The following MDC1 variants were observed in gnomAD, a reference collection of about 807,000 sequenced individuals.
MDC1 encodes the protein mediator of DNA damage checkpoint protein 1.
Under a neutral mutation model 142.5 loss-of-function variants are expected in MDC1, and 81 were observed. That is an observed-to-expected ratio of 0.57 (90% CI 0.47 to 0.68). MDC1 has a LOEUF of 0.68. MDC1 is among the 30% of genes least tolerant of loss of function. MDC1 has a pLI of 0.00. For synonymous variants in MDC1, 797 were observed against 968.4 expected (o/e 0.82, Z 3.29); for missense variants, 2,119 against 2,547.9 (o/e 0.83, Z 3.62).
In MDC1 at chr6:30,716,058, G is replaced by T. The variant is rs895168650; in HGVS notation, c.-3-880C>A. Among the ~76,000 whole-genome samples, 2 of 151,944 alleles carry T rather than the reference G, an allele frequency of 1.3e-5. No homozygotes were observed. Among genetic ancestry groups the T allele is most frequent in the African/African-American group, 4.8e-5 (2 of 41,346 alleles). On this transcript the variant is annotated intron_variant, in intron 1 of 14. Transcript: ENST00000376406. The surrounding 1 kb of genome is among the most constrained non-coding windows in gnomAD (Gnocchi z 4.4). ...TCACATCTTGTAACGCCTACCCCTCGCCCGCAAAAGCCTATGGTTCAGCCA... is the reference window on the plus strand; with the variant it reads ...TCACATCTTGTAACGCCTACCCCTCTCCCGCAAAAGCCTATGGTTCAGCCA...
intron 14 of MDC1, among the ~76,000 whole-genome samples, chr6:30,702,032 G>C (rs1199860552): frequency 6.6e-6 from 1 of 151,958 alleles, no homozygotes; most frequent in Non-Finnish European, 1.5e-5. Context: ...AGAGGCCGAG[G>C]CGGGCAGATC....
Position 30,703,784 on chromosome 6 carries a change from G to T in MDC1, c.5399C>A (p.Thr1800Asn). ...KVEPAGRSRFTPELQPKASQS... is the reference protein window; with the variant it reads ...KVEPAGRSRFNPELQPKASQS... ...AGAGGCCTTAGGCTGGAGCTCCGGG[G>T]TGAACCTAGATCTACCTGCTGGTTC... is the stretch of plus-strand genomic sequence containing the variant. Residue 1800 changes from threonine to asparagine, a missense_variant, in exon 10 of 15, where the codon ACC (threonine) becomes AAC (asparagine). Coordinates refer to ENST00000376406, the MANE Select transcript of MDC1 (RefSeq NM_014641.3). This position sits in a 1 kb window ranked among gnomAD's most constrained non-coding sequence, Gnocchi z 4.4. The T allele has an allele frequency of 6.3e-7, 1 of 1,583,714 alleles. No homozygotes were observed. Among genetic ancestry groups the T allele is most frequent in the Non-Finnish European group, 8.6e-7 (1 of 1,166,150 alleles).
chr6:30,701,397 C>CA (rs1554185762), intron 14 of MDC1, among the ~76,000 whole-genome samples: 4,487 of 139,094 alleles, frequency 0.032, 97 homozygotes, highest in Admixed American at 0.057. Context: ...GAGACTCTCT[C>CA]AAAAAAAAAA....
At position 30,704,093 on chromosome 6, in the gene MDC1, G is replaced by T; in HGVS notation, c.5090C>A (p.Thr1697Asn). ...STVRAMPVPT[T>N]PEFQSPVTTD... ...GGTGACAGGAGATTGGAATTCAGGG[G>T]TGGTAGGAACCGGCATAGCTCTTAC... The change falls in exon 10 of 15, where the codon ACC (threonine) becomes AAC (asparagine). Residue 1697 changes from threonine (T) to asparagine (N), a missense_variant. By Grantham distance (65) the Thr-to-Asn change is moderately conservative (BLOSUM62 0). Transcript: ENST00000376406. 6.2e-7 allele frequency: 1 copy of T among 1,614,188 alleles called. No individual in the cohort carries two copies. The highest frequency in any genetic ancestry group is 8.5e-7 in the Non-Finnish European group (1 of 1,180,030).
chr6:30,711,399 G>A lies in MDC1; in HGVS notation c.2221+13C>T. The A allele has an allele frequency of 6.2e-7, 1 of 1,604,878 alleles. No homozygotes were observed. On this transcript the variant is annotated intron_variant, in intron 7 of 14. Transcript: ENST00000376406. ...AGAATTGGGGACACAGAGGAGGGAAGAGTTTCTTATACCTGTTGTCTGGAA... is the reference window on the plus strand; with the variant it reads ...AGAATTGGGGACACAGAGGAGGGAAAAGTTTCTTATACCTGTTGTCTGGAA...
At position 30,712,001 on chromosome 6, in the gene MDC1, A is replaced by G; in HGVS notation, c.1941T>C (p.Asp647=). 1 of 1,599,236 alleles carries G rather than the reference A, an allele frequency of 6.3e-7. No homozygotes were observed. The highest frequency in any genetic ancestry group is 1.1e-5 in the South Asian group (1 of 89,022). ...DLPISRENLT[D]LVVDTDTLGE... ...CTAGAGTGTCTGTGTCCACCACCAG[A>G]TCTGTGAGGTTCTCTCTTGAGATAG... is the stretch of plus-strand genomic sequence containing the variant. The change falls in exon 5 of 15, where the codon GAT becomes GAC. Residue 647 remains aspartate (D), a synonymous_variant. Coordinates refer to ENST00000376406, the MANE Select transcript of MDC1 (RefSeq NM_014641.3). This position sits in a 1 kb window ranked among gnomAD's most constrained non-coding sequence, Gnocchi z 4.7.
chr6:30,708,048 G>A lies in MDC1; in HGVS notation c.2531C>T (p.Thr844Ile). The part of the protein sequence containing the change: ...ETEKLLPERQ[T>I]DVTGEEELTK... ...TAATTCTTCCTCTCCTGTCACATCTGTCTGTCTTTCTGGTAGCAGTTTCTC... is the reference window on the plus strand; with the variant it reads ...TAATTCTTCCTCTCCTGTCACATCTATCTGTCTTTCTGGTAGCAGTTTCTC... Residue 844 changes from threonine (T) to isoleucine (I), a missense_variant, in exon 8 of 15, where the codon ACA becomes ATA. Coordinates refer to ENST00000376406, the MANE Select transcript of MDC1 (RefSeq NM_014641.3). 1.9e-6 allele frequency: 3 copies of A among 1,613,000 alleles called. No individual in the cohort carries two copies. Among genetic ancestry groups the A allele is most frequent in the South Asian group, 1.1e-5 (1 of 91,080 alleles).
intron 6 of MDC1, 71 bp downstream of exon 6, chr6:30,711,596 C>T (rs17189322): frequency 5.5e-4 from 880 of 1,601,660 alleles, no homozygotes; most frequent in Admixed American, 1.2e-3. Flanking sequence ...TAGCCTTTAC[C>T]CTTCAAGGAC....
At position 30,706,073 on chromosome 6, in the gene MDC1, C is replaced by T; in HGVS notation, c.3110G>A (p.Cys1037Tyr). The T allele has an allele frequency of 6.3e-7, 1 of 1,592,480 alleles. No homozygotes were observed. Among genetic ancestry groups the T allele is most frequent in the Non-Finnish European group, 8.5e-7 (1 of 1,176,666 alleles). Residue 1037 changes from cysteine to tyrosine, a missense_variant, in exon 10 of 15, where the codon TGT becomes TAT. Transcript: ENST00000376406. ...GGCTTCAGGTACTGTAGGAGGCAGA[C>T]AAGCATCTGGAGATTCCTGATCGCC... Reference protein sequence around the residue: ...SRGDQESPDACLPPTVPEAPA... With the variant: ...SRGDQESPDAYLPPTVPEAPA...
chr6:30,706,208 C>G, intron 9 of MDC1, 110 bp from the exon 10 acceptor site: 1 of 988,524 alleles, frequency 1.0e-6, no homozygotes, highest in Non-Finnish European at 1.4e-6. Context: ...AGATTTCCAC[C>G]GGGCGTGGTG....
In MDC1 at chr6:30,714,068, G is replaced by T; in HGVS notation, c.252C>A (p.Asp84Glu). The change falls in exon 3 of 15, where the codon GAC becomes GAA. Residue 84 changes from aspartate to glutamate, a missense_variant. Coordinates refer to ENST00000376406, the MANE Select transcript of MDC1 (RefSeq NM_014641.3). Reference sequence around the variant, plus strand: ...CACAGTCTCGGAGGATAGGTGCCTTGTCCCAGGCTAAGATTTCAATCTCTG... The same window carrying T: ...CACAGTCTCGGAGGATAGGTGCCTTTTCCCAGGCTAAGATTTCAATCTCTG... Reference protein sequence around the residue: ...QHAEIEILAWDKAPILRDCGS... With the variant: ...QHAEIEILAWEKAPILRDCGS... 6.2e-7 allele frequency: 1 copy of T among 1,612,878 alleles called. No homozygotes were observed. The highest frequency in any genetic ancestry group is 8.5e-7 in the Non-Finnish European group (1 of 1,180,016).
In MDC1 at chr6:30,713,917, C is replaced by T. The variant is rs1281141743; in HGVS notation, c.403G>A (p.Val135Ile). 1.2e-6 allele frequency: 2 copies of T among 1,613,398 alleles called. No homozygotes were observed. Among genetic ancestry groups the T allele is most frequent in the African/African-American group, 2.7e-5 (2 of 74,908 alleles). Residue 135 changes from valine to isoleucine, a missense_variant, in exon 3 of 15, where the codon GTC becomes ATC. Transcript: ENST00000376406. This position sits in a 1 kb window ranked among gnomAD's most constrained non-coding sequence, Gnocchi z 4.9. Reference protein sequence around the residue: ...DLLCQYHRLDVSLPFVSRGPL... With the variant: ...DLLCQYHRLDISLPFVSRGPL... ...CCCCGGGAGACAAAGGGCAGAGAGA[C>T]ATCCAGGCGATGGTACTGGCAGAGC...
chr6:30,703,648 ATCT>A lies in MDC1; in HGVS notation c.5532_5534del (p.Glu1844del). Reference sequence around the variant, plus strand: ...CTTCCTTCCCTGGCTTCTCTGCAGTATCTTCTTCCTCTTCCTTGATAATCACTG... The same window carrying A: ...CTTCCTTCCCTGGCTTCTCTGCAGTATCTTCCTCTTCCTTGATAATCACTG... On this transcript the variant is annotated inframe_deletion, in exon 10 of 15. Coordinates refer to ENST00000376406, the MANE Select transcript of MDC1 (RefSeq NM_014641.3). The surrounding 1 kb of genome is among the most constrained non-coding windows in gnomAD (Gnocchi z 4.4). The A allele has an allele frequency of 6.4e-7, 1 of 1,570,952 alleles. No homozygotes were observed. Among genetic ancestry groups the A allele is most frequent in the Non-Finnish European group, 8.6e-7 (1 of 1,161,986 alleles).
rs749675713 is a variant in MDC1, at chr6:30,713,745, A to C, written c.518-28T>G. The C allele has an allele frequency of 3.7e-6, 6 of 1,613,928 alleles. No homozygotes were observed. Among genetic ancestry groups the C allele is most frequent in the Non-Finnish European group, 5.1e-6 (6 of 1,179,878 alleles). ...GTCAAGAACAGAAAGGAATGAGTTG[A>C]CAATTGTACACTCATTATTCCTGTC... On this transcript the variant is annotated intron_variant, in intron 3 of 14. Coordinates refer to ENST00000376406, the MANE Select transcript of MDC1 (RefSeq NM_014641.3). This position sits in a 1 kb window ranked among gnomAD's most constrained non-coding sequence, Gnocchi z 4.9.
rs1231736653 is a variant in MDC1 at position 30,705,964 on chromosome 6, A to G, written c.3219T>C (p.Ser1073=). 6.2e-7 allele frequency: 1 copy of G among 1,613,672 alleles called. No individual in the cohort carries two copies. Among genetic ancestry groups the G allele is most frequent in the African/African-American group, 1.3e-5 (1 of 74,800 alleles). Reference sequence around the variant, plus strand: ...TGGTCTTACGAACGGTTGGCTTGATAGAAGGTAAAAGGGGAGAAAGAAGGG... The same window carrying G: ...TGGTCTTACGAACGGTTGGCTTGATGGAAGGTAAAAGGGGAGAAAGAAGGG... ...PPPLLSPLLP[S]IKPTVRKTRQ... is the part of the protein sequence containing the mutation. Residue 1073 remains serine (S), a synonymous_variant, in exon 10 of 15, where the codon TCT becomes TCC. Coordinates refer to ENST00000376406, the MANE Select transcript of MDC1 (RefSeq NM_014641.3).
rs751175105 is a variant in MDC1, at chr6:30,702,822, T to G, written c.5921A>C (p.Glu1974Ala). ...PPDEYVVTDP[E>A]QEKNFGFSLQ... ...GCTAAAGCCAAAGTTCTTCTCTTGCTCAGGGTCGGTCACCACATATTCATC... is the reference window on the plus strand; with the variant it reads ...GCTAAAGCCAAAGTTCTTCTCTTGCGCAGGGTCGGTCACCACATATTCATC... Residue 1974 changes from glutamate (E) to alanine (A), a missense_variant, in exon 13 of 15, where the codon GAG (glutamate) becomes GCG (alanine). Coordinates refer to ENST00000376406, the MANE Select transcript of MDC1 (RefSeq NM_014641.3). 21 of 1,613,038 alleles carry G rather than the reference T, an allele frequency of 1.3e-5. No homozygotes were observed. Among genetic ancestry groups the G allele is most frequent in the Non-Finnish European group, 1.8e-5 (21 of 1,180,046 alleles).
rs752056084 is a variant in MDC1, at chr6:30,712,729, C to T, written c.1213G>A (p.Asp405Asn). The T allele has an allele frequency of 6.2e-7, 1 of 1,613,092 alleles. No homozygotes were observed. The highest frequency in any genetic ancestry group is 8.5e-7 in the Non-Finnish European group (1 of 1,180,040). The change falls in exon 5 of 15, where the codon GAT becomes AAT. Residue 405 changes from aspartate to asparagine, a missense_variant. Transcript: ENST00000376406. The surrounding 1 kb of genome is among the most constrained non-coding windows in gnomAD (Gnocchi z 4.7). The stretch of plus-strand genomic sequence containing the variant: ...GCTGCTGAGACTTCTTCCTCGTCAT[C>T]TGTATCGCTGTTGATAACCATGGAA... ...QASMVINSDT[D>N]DEEEVSAALT...
In MDC1 at chr6:30,713,095, C is replaced by A; in HGVS notation, c.847G>T (p.Val283Phe). The change falls in exon 5 of 15, where the codon GTT becomes TTT. Residue 283 changes from valine (V) to phenylalanine (F), a missense_variant. Val to Phe is a conservative substitution (Grantham distance 50). Transcript: ENST00000376406. The surrounding 1 kb of genome is among the most constrained non-coding windows in gnomAD (Gnocchi z 4.9). Reference protein sequence around the residue: ...KVKRGAGNGVVPAGVILERSQ... With the variant: ...KVKRGAGNGVFPAGVILERSQ... ...CTCTCCAGAATCACCCCAGCTGGAA[C>A]CACCCCATTCCCTGCACCCCTCTTG... 3 of 1,613,128 alleles carry A rather than the reference C, an allele frequency of 1.9e-6. No individual in the cohort carries two copies. The highest frequency in any genetic ancestry group is 2.5e-6 in the Non-Finnish European group (3 of 1,180,002).
At chr6:30,707,290 G>T in intron 9 of MDC1, 94 bp downstream of exon 9, 1 of 1,308,906 alleles carries the variant, frequency 7.6e-7, no homozygotes, top group South Asian at 1.2e-5. Context: ...TGAATAATGA[G>T]AAAGGAATAG....
Sources: gnomAD v4.1 joint callset for allele counts (sites outside exome capture counted in the v4.1 genomes callset) on GRCh38, gnomAD v4.1.1 for gene constraint, Gnocchi (gnomAD v3.1) non-coding constraint, MANE v1.5 for transcripts, NCBI Gene and HGNC (gene_info 2026-07-23, HGNC 2026-07-21) for gene names.